SEMA7A: variants seen among roughly 807,000 people sequenced by gnomAD.
SEMA7A encodes the protein semaphorin 7A (JohnMiltonHagen blood group), also known as semaphorin-7A.
Under a neutral mutation model 67.5 loss-of-function variants are expected in SEMA7A, and 21 were observed. The ratio of observed to expected loss-of-function variants is 0.31; its 90% confidence interval spans 0.22 to 0.45. SEMA7A has a LOEUF of 0.45. Among genes scored for constraint, SEMA7A ranks in the 20% least tolerant of loss-of-function variants. The pLI is 1.00. For synonymous variants in SEMA7A, 364 were observed against 368.5 expected (o/e 0.99, Z 0.14); for missense variants, 774 against 908.6 (o/e 0.85, Z 1.90).
intron 1 of SEMA7A, among the ~76,000 whole-genome samples, chr15:74,432,625 C>T (rs974107682): frequency 6.6e-6 from 1 of 152,118 alleles, no homozygotes; most frequent in Non-Finnish European, 1.5e-5. Context: ...GCTAATAATA[C>T]CTGCCCCAGA....
At chr15:74,427,578 A>T (rs2061053668) in intron 1 of SEMA7A, among the ~76,000 whole-genome samples, 1 of 151,968 alleles carries the variant, frequency 6.6e-6, no homozygotes, top group African/African-American at 2.4e-5. Flanking sequence ...TGATCTGCCT[A>T]CCTTGGCCTC....
At chr15:74,429,770 C>T (rs928585608) in intron 1 of SEMA7A, among the ~76,000 whole-genome samples, 7 of 152,104 alleles carry the variant, frequency 4.6e-5, no homozygotes, top group South Asian at 2.1e-4. Flanking sequence ...GCTGACTCAA[C>T]GCCTCTTCAC....
chr15:74,433,201 C>A (rs999906699), intron 1 of SEMA7A, among the ~76,000 whole-genome samples: 1 of 149,558 alleles, frequency 6.7e-6, no homozygotes, highest in Non-Finnish European at 1.5e-5. Flanking sequence ...TTGCCTGGCC[C>A]GAGCTCCGGG....
intron 1 of SEMA7A, among the ~76,000 whole-genome samples, chr15:74,430,909 C>T (rs1020336148): frequency 2.4e-4 from 36 of 152,188 alleles, no homozygotes; most frequent in African/African-American, 6.8e-4. Context: ...AATAACATCC[C>T]GTTGTTTCAC....
chr15:74,410,580 C>A lies in SEMA7A; in HGVS notation c.*44G>T. 1 of 1,540,882 alleles carries A rather than the reference C, an allele frequency of 6.5e-7. No homozygotes were observed. Among genetic ancestry groups the A allele is most frequent in the Non-Finnish European group, 8.7e-7 (1 of 1,143,088 alleles). On this transcript the variant is annotated 3_prime_UTR_variant, in exon 14 of 14. Transcript: ENST00000261918. This position sits in a 1 kb window ranked among gnomAD's most constrained non-coding sequence, Gnocchi z 7.5. Reference sequence around the variant, plus strand: ...GCTCTGAGTGTGAGACGTTCTAGTGCCCTGGGCTGCAGAAGCCTGAGGCAT... The same window carrying A: ...GCTCTGAGTGTGAGACGTTCTAGTGACCTGGGCTGCAGAAGCCTGAGGCAT...
chr15:74,417,759 C>T (rs2060964326), intron 4 of SEMA7A, 84 bp from the exon 5 acceptor site: 1 of 1,544,652 alleles, frequency 6.5e-7, no homozygotes, highest in Non-Finnish European at 8.9e-7. Flanking sequence ...GCCAGGAGCC[C>T]CATCCTCCCA....
intron 10 of SEMA7A, among the ~76,000 whole-genome samples, chr15:74,413,894 A>G (rs2060922522): frequency 6.6e-6 from 1 of 152,260 alleles, no homozygotes; most frequent in African/African-American, 2.4e-5. Flanking sequence ...GGCAGCTGGC[A>G]TGGGAAGCTG....
Position 74,411,062 on chromosome 15 carries a change from G to A in SEMA7A, c.1640-77C>T, listed in dbSNP as rs2060895609. ...GGAGGATGTGTCCTCCCCACGGACT[G>A]GGATCCCAGGACAAGGCTTCTGAAT... On this transcript the variant is annotated intron_variant, in intron 13 of 13. Coordinates refer to ENST00000261918, the MANE Select transcript of SEMA7A (RefSeq NM_003612.5). This position sits in a 1 kb window ranked among gnomAD's most constrained non-coding sequence, Gnocchi z 4.4. 4.6e-6 allele frequency: 7 copies of A among 1,532,694 alleles called. No individual in the cohort carries two copies. The highest frequency in any genetic ancestry group is 1.4e-5 in the African/African-American group (1 of 72,672). 94.9% of individuals were successfully genotyped at this position (1,532,694 alleles called of 1,614,324 possible).
rs1021122817 is a variant in SEMA7A, at chr15:74,409,873, C to T, written c.*751G>A. On this transcript the variant is annotated 3_prime_UTR_variant, in exon 14 of 14. Transcript: ENST00000261918. The stretch of plus-strand genomic sequence containing the variant: ...GCCCGTCTCCAGACTCTTATCTCAT[C>T]CCCGGGAGCCTCAGACTGGGATCAC... The T allele has an allele frequency of 4.0e-5, 6 of 151,346 alleles. No individual in the cohort carries two copies. The allele number at this position is 151,346 out of a possible 1,614,324, so 9.4% of individuals were successfully genotyped here.
At chr15:74,430,878 C>A (rs1468780178) in intron 1 of SEMA7A, among the ~76,000 whole-genome samples, 1 of 152,146 alleles carries the variant, frequency 6.6e-6, no homozygotes, top group Non-Finnish European at 1.5e-5. Flanking sequence ...AGAATGGCTC[C>A]CCAGCAGCCA....
chr15:74,419,204 CTCCT>C (rs1485190497), intron 1 of SEMA7A, among the ~76,000 whole-genome samples: 1 of 152,214 alleles, frequency 6.6e-6, no homozygotes, highest in Admixed American at 6.5e-5. Context: ...GTGGCAGCCT[CTCCT>C]TCCTTCACAG....
At chr15:74,427,930 AC>A (rs2141290239) in intron 1 of SEMA7A, among the ~76,000 whole-genome samples, 1 of 152,270 alleles carries the variant, frequency 6.6e-6, no homozygotes, top group Non-Finnish European at 1.5e-5. Context: ...CCGAACACAG[AC>A]CTAGGCTGGC....
At position 74,433,890 on chromosome 15, in the gene SEMA7A, G is replaced by A; in HGVS notation, c.29C>T (p.Ala10Val). 3 of 1,266,060 alleles carry A rather than the reference G, an allele frequency of 2.4e-6. No homozygotes were observed. The highest frequency in any genetic ancestry group is 6.2e-5 in the South Asian group (2 of 32,414). 78.4% of individuals were successfully genotyped at this position (1,266,060 alleles called of 1,614,324 possible). A position where few individuals can be genotyped will look rare whatever the true frequency, so the allele number is the denominator to read the frequency against. ...GACGCGGGCGCGCGGTGCGCTGGGG[G>A]CGGCACGTCCGGGCGGAGGAGGCGT... is the stretch of plus-strand genomic sequence containing the variant. MTPPPPGRA[A>V]PSAPRARVPG... Residue 10 changes from alanine (A) to valine (V), a missense_variant, in exon 1 of 14, where the codon GCC becomes GTC. This residue lies in a region of SEMA7A where 347 missense variants were observed against 353.2 expected (regional missense o/e 0.98). Coordinates refer to ENST00000261918, the MANE Select transcript of SEMA7A (RefSeq NM_003612.5).
intron 1 of SEMA7A, among the ~76,000 whole-genome samples, chr15:74,425,192 CGAT>C (rs796822263): frequency 6.6e-5 from 10 of 152,354 alleles, no homozygotes; most frequent in African/African-American, 1.9e-4. Context: ...ATGATGACGA[CGAT>C]GATGATGCCC....
At chr15:74,426,582 A>C (rs759929636) in intron 1 of SEMA7A, among the ~76,000 whole-genome samples, 7 of 152,186 alleles carry the variant, frequency 4.6e-5, no homozygotes, top group Non-Finnish European at 7.3e-5. Flanking sequence ...ACTGATTAGA[A>C]AGACAAGTCT....
chr15:74,425,079 A>AGGGC (rs921125102), intron 1 of SEMA7A, among the ~76,000 whole-genome samples: 20 of 152,292 alleles, frequency 1.3e-4, no homozygotes, highest in African/African-American at 4.8e-4. Context: ...AGACTGAGCA[A>AGGGC]GGGCAGCCAG....
In SEMA7A at chr15:74,411,231, C is replaced by T. The variant is rs143552105; in HGVS notation, c.1639+64G>A. On this transcript the variant is annotated intron_variant, in intron 13 of 13. Coordinates refer to ENST00000261918, the MANE Select transcript of SEMA7A (RefSeq NM_003612.5). This position sits in a 1 kb window ranked among gnomAD's most constrained non-coding sequence, Gnocchi z 4.4. ...AGGCCATGTCTCCCTCAGACCAGGACAATCAGGGCAGGGCAGTACCCCACT... is the reference window on the plus strand; with the variant it reads ...AGGCCATGTCTCCCTCAGACCAGGATAATCAGGGCAGGGCAGTACCCCACT... 1.5e-5 allele frequency: 23 copies of T among 1,543,734 alleles called. No individual in the cohort carries two copies. In the Admixed American group the frequency reaches 3.7e-4, roughly 25 times the overall value.
At chr15:74,415,232 C>T (rs2060938245) in intron 8 of SEMA7A, among the ~76,000 whole-genome samples, 1 of 152,154 alleles carries the variant, frequency 6.6e-6, no homozygotes, top group Admixed American at 6.5e-5. Flanking sequence ...TCTAGCCCTC[C>T]CTGGGCACAG....
In SEMA7A at chr15:74,427,338, T is replaced by A; in HGVS notation, c.178+6403A>T. On this transcript the variant is annotated intron_variant, in intron 1 of 13. Transcript: ENST00000261918. ...AAGACTGGGGCAGGCCAAACTCCCA[T>A]GCCAGAGGGACAGGTATCTTAGAAC... The A allele has an allele frequency of 3.0e-6, 3 of 985,388 alleles. No homozygotes were observed. In the South Asian group the frequency reaches 1.4e-4, roughly 46 times the overall value. The allele number at this position is 985,388 out of a possible 1,614,324, so 61.0% of individuals were successfully genotyped here. A position where few individuals can be genotyped will look rare whatever the true frequency, so the allele number is the denominator to read the frequency against.
Sources: allele counts gnomAD v4.1 joint callset (sites outside exome capture counted in the v4.1 genomes callset), GRCh38; gene constraint gnomAD v4.1.1; regional missense constraint gnomAD v4.1.1; non-coding constraint Gnocchi (gnomAD v3.1); transcripts MANE v1.5; gene names NCBI Gene and HGNC (gene_info 2026-07-23, HGNC 2026-07-21).